SWT1: variants seen among roughly 807,000 people sequenced by gnomAD.
The protein encoded by SWT1 is transcriptional protein SWT1.
A neutral mutation model predicts 107.3 loss-of-function variants in SWT1; 33 were observed. The ratio of observed to expected loss-of-function variants is 0.31; its 90% CI spans 0.23 to 0.41. The LOEUF is 0.41. Among genes scored for constraint, SWT1 ranks in the 10% least tolerant of loss-of-function variants. The pLI, the probability that SWT1 is intolerant of heterozygous loss-of-function variation, is 1.00. For synonymous variants in SWT1, 345 were observed against 348.3 expected (o/e 0.99, Z 0.11); for missense variants, 898 against 1,028.9 (o/e 0.87, Z 1.74).
At chr1:185,201,448 C>T (rs185491373) in intron 10 of SWT1, among the ~76,000 whole-genome samples, 65 of 152,226 alleles carry the variant, frequency 4.3e-4, no homozygotes, top group African/African-American at 1.5e-3. Flanking sequence ...GTGTCTGGGC[C>T]GGAGTGCACC....
rs369436925 is a variant in SWT1, at chr1:185,236,199, T to A, written c.2441+4491T>A. ...CTTCACAGAATTGGAAAAAACTACTTTAAATTTCATATGGAACCAAAAAAG... is the reference window on the plus strand; with the variant it reads ...CTTCACAGAATTGGAAAAAACTACTATAAATTTCATATGGAACCAAAAAAG... On this transcript the variant is annotated intron_variant, in intron 16 of 18. Coordinates refer to ENST00000367500, the MANE Select transcript of SWT1 (RefSeq NM_017673.7). Among the ~76,000 whole-genome samples the A allele has an allele frequency of 5.6e-4, 85 of 152,242 alleles. No homozygotes were observed. In the South Asian group the frequency reaches 0.017, roughly 31 times the overall value.
chr1:185,245,159 C>T (rs890689840), intron 16 of SWT1, among the ~76,000 whole-genome samples: 10 of 152,274 alleles, frequency 6.6e-5, no homozygotes, highest in African/African-American at 2.4e-4. Flanking sequence ...AGAAAACACA[C>T]ACATTGTACA....
chr1:185,208,269 C>T (rs1401962946), intron 13 of SWT1, among the ~76,000 whole-genome samples: 1 of 152,156 alleles, frequency 6.6e-6, no homozygotes. Flanking sequence ...ACCTTATTCT[C>T]TGTCTTTTCC....
At chr1:185,283,625 G>C (rs1293947088) in intron 18 of SWT1, among the ~76,000 whole-genome samples, 1 of 152,124 alleles carries the variant, frequency 6.6e-6, no homozygotes, top group Non-Finnish European at 1.5e-5. Context: ...GTACCTGACT[G>C]TATGAGACGG....
At chr1:185,260,669 T>C (rs7539658) in intron 16 of SWT1, among the ~76,000 whole-genome samples, 67,532 of 151,928 alleles carry the variant, frequency 0.44, 16,634 homozygotes, top group African/African-American at 0.67. Flanking sequence ...AGTAAAAGAA[T>C]GTAATTGTAG....
intron 15 of SWT1, among the ~76,000 whole-genome samples, chr1:185,223,790 CCCT>C (rs1410814138): frequency 2.0e-5 from 3 of 152,268 alleles, no homozygotes; most frequent in Admixed American, 2.0e-4. Flanking sequence ...CTGATCCTCT[CCCT>C]CCTCTCACCT....
At chr1:185,265,381 T>C (rs1209744574) in intron 16 of SWT1, among the ~76,000 whole-genome samples, 1 of 152,210 alleles carries the variant, frequency 6.6e-6, no homozygotes, top group Non-Finnish European at 1.5e-5. Flanking sequence ...AATTTTAGTT[T>C]TACTTGTAAT....
intron 5 of SWT1, among the ~76,000 whole-genome samples, chr1:185,176,098 T>A (rs928932457): frequency 3.9e-5 from 6 of 152,098 alleles, no homozygotes; most frequent in African/African-American, 1.2e-4. Context: ...AAGACCAGCC[T>A]GGGCAACATA....
chr1:185,262,736 T>G (rs1663108813), intron 16 of SWT1, among the ~76,000 whole-genome samples: 1 of 152,098 alleles, frequency 6.6e-6, no homozygotes, highest in Non-Finnish European at 1.5e-5. Context: ...TTCATGTGAT[T>G]GTTCTGTGCA....
rs115146251 is a variant in SWT1, at chr1:185,168,125, A to C, written c.166-215A>C. ...TCAGACAGATCTATTTACAGATGAC[A>C]GATGACTGCTCTGCTGTGGACTTGC... is the stretch of plus-strand genomic sequence containing the variant. On this transcript the variant is annotated intron_variant, in intron 3 of 18. Coordinates refer to ENST00000367500, the MANE Select transcript of SWT1 (RefSeq NM_017673.7). Among the ~76,000 whole-genome samples the C allele has an allele frequency of 5.0e-3, 768 of 152,312 alleles. 2 individuals are homozygous for C. Among genetic ancestry groups the C allele is most frequent in the Non-Finnish European group, 7.8e-3 (530 of 68,036 alleles).
At chr1:185,228,776 C>A (rs578103033) in intron 15 of SWT1, among the ~76,000 whole-genome samples, 17 of 152,112 alleles carry the variant, frequency 1.1e-4, no homozygotes, top group Admixed American at 9.8e-4. Flanking sequence ...TTCAAGAAAA[C>A]CTTCAGTTAA....
chr1:185,257,815 A>G (rs1662718142), intron 16 of SWT1: 1 of 152,116 alleles, frequency 6.6e-6, no homozygotes, highest in Non-Finnish European at 1.5e-5. Flanking sequence ...CAATTTATAT[A>G]TTTTTTATTG....
At chr1:185,172,949 C>T (rs948969542) in intron 4 of SWT1, among the ~76,000 whole-genome samples, 27 of 147,644 alleles carry the variant, frequency 1.8e-4, no homozygotes, top group Admixed American at 2.8e-4. Flanking sequence ...GAGGCTGAGG[C>T]AGGGGAATCG....
In SWT1 at chr1:185,206,777, A is replaced by C; in HGVS notation, c.1972+14A>C. The C allele has an allele frequency of 6.4e-7, 1 of 1,566,336 alleles. No individual in the cohort carries two copies. Among genetic ancestry groups the C allele is most frequent in the Non-Finnish European group, 8.6e-7 (1 of 1,156,806 alleles). ...ATCTCCGTAAAGGTATGAATCTTTT[A>C]TTTTTCTCTTTAGCAGTGTTGTATT... On this transcript the variant is annotated intron_variant, in intron 13 of 18. Coordinates refer to ENST00000367500, the MANE Select transcript of SWT1 (RefSeq NM_017673.7).
At chr1:185,212,338 A>T (rs1255468679) in intron 13 of SWT1, among the ~76,000 whole-genome samples, 1 of 152,146 alleles carries the variant, frequency 6.6e-6, no homozygotes, top group East Asian at 1.9e-4. Context: ...GTAAAAAATG[A>T]GGTGTCTAGT....
chr1:185,194,522 C>T (rs993976186), intron 10 of SWT1, among the ~76,000 whole-genome samples: 4 of 151,522 alleles, frequency 2.6e-5, no homozygotes, highest in Non-Finnish European at 5.9e-5. Flanking sequence ...TCACAGGTAC[C>T]ATAAGGATAT....
intron 16 of SWT1, among the ~76,000 whole-genome samples, chr1:185,266,826 C>G (rs148354643): frequency 6.6e-6 from 1 of 152,292 alleles, no homozygotes; most frequent in East Asian, 1.9e-4. Context: ...TAGTGAGTGT[C>G]AGTTCTGTTA....
chr1:185,235,284 C>T (rs1045024942), intron 16 of SWT1, among the ~76,000 whole-genome samples: 2 of 152,198 alleles, frequency 1.3e-5, no homozygotes, highest in Non-Finnish European at 2.9e-5. Context: ...AGGCAAATAT[C>T]CCTGATGAAC....
intron 10 of SWT1, among the ~76,000 whole-genome samples, chr1:185,201,097 C>T (rs972693480): frequency 4.6e-5 from 7 of 152,094 alleles, no homozygotes; most frequent in African/African-American, 1.2e-4. Context: ...GGATGCCCCT[C>T]CCCCCACCAA....
Sources: allele counts gnomAD v4.1 joint callset (sites outside exome capture counted in the v4.1 genomes callset), GRCh38; gene constraint gnomAD v4.1.1; transcripts MANE v1.5; gene names NCBI Gene and HGNC (gene_info 2026-07-23, HGNC 2026-07-21).